Variants in SLC2A13 observed in about 807,000 individuals in gnomAD.
SLC2A13 encodes the protein proton myo-inositol cotransporter.
In SLC2A13, 32 loss-of-function variants were observed where a neutral mutation model predicts 64.4. That is an observed-to-expected ratio of 0.50 (90% CI 0.37 to 0.67). The LOEUF (loss-of-function observed/expected upper bound fraction) is 0.67, where lower values mean the gene tolerates loss of function less well. Ranked by LOEUF, SLC2A13 falls within the 30% of genes least tolerant of loss-of-function variation. SLC2A13 has a pLI of 0.00. For missense variants in SLC2A13, 743 were observed against 829.2 expected (o/e 0.90, Z 1.28); for synonymous variants, 338 against 327.1 (o/e 1.03, Z -0.36).
At chr12:39,895,174 C>G (rs1481716978) in intron 4 of SLC2A13, among the ~76,000 whole-genome samples, 2 of 151,972 alleles carry the variant, frequency 1.3e-5, no homozygotes, top group African/African-American at 2.4e-5. Context: ...CAGCCAGAAC[C>G]CTGAGTAACA....
chr12:40,046,429 G>A (rs1429402410), intron 2 of SLC2A13, among the ~76,000 whole-genome samples: 1 of 152,054 alleles, frequency 6.6e-6, no homozygotes, highest in Non-Finnish European at 1.5e-5. Flanking sequence ...TGTGATTTAT[G>A]CAACTATACA....
At chr12:39,960,911 C>G (rs1217938499) in intron 3 of SLC2A13, among the ~76,000 whole-genome samples, 1 of 150,302 alleles carries the variant, frequency 6.7e-6, no homozygotes, top group East Asian at 2.0e-4. Context: ...CCACAGCTGG[C>G]AAAATTTTGT....
At chr12:39,977,073 G>A (rs1052732243) in intron 3 of SLC2A13, among the ~76,000 whole-genome samples, 3 of 152,104 alleles carry the variant, frequency 2.0e-5, no homozygotes, top group African/African-American at 7.2e-5. Context: ...TGACATCTAT[G>A]GTAACAGATA....
At chr12:39,997,920 T>C (rs541677959) in intron 3 of SLC2A13, among the ~76,000 whole-genome samples, 3 of 152,310 alleles carry the variant, frequency 2.0e-5, no homozygotes, top group East Asian at 3.9e-4. Context: ...CCACTGCTGG[T>C]CGGAATGTAA....
chr12:39,776,586 G>A (rs1395042283), intron 7 of SLC2A13, among the ~76,000 whole-genome samples: 1 of 152,210 alleles, frequency 6.6e-6, no homozygotes, highest in Admixed American at 6.5e-5. Context: ...AGGCCATACT[G>A]CAATAGAAGC....
intron 1 of SLC2A13, among the ~76,000 whole-genome samples, chr12:40,075,726 A>T (rs1003641365): frequency 6.6e-6 from 1 of 152,170 alleles, no homozygotes; most frequent in Non-Finnish European, 1.5e-5. Context: ...CATTATGCTG[A>T]CACAAATGTT....
intron 4 of SLC2A13, among the ~76,000 whole-genome samples, chr12:39,888,899 CTA>C (rs917667461): frequency 2.6e-5 from 4 of 152,084 alleles, no homozygotes; most frequent in African/African-American, 9.7e-5. Context: ...ATAAAAATAA[CTA>C]AAATTATTTC....
chr12:39,826,625 A>T (rs1942683618), intron 7 of SLC2A13, among the ~76,000 whole-genome samples: 1 of 151,432 alleles, frequency 6.6e-6, no homozygotes, highest in African/African-American at 2.4e-5. Context: ...AAGCAGAAAA[A>T]TTTTAAAAAC....
At chr12:40,101,685 C>G (rs1352221426) in intron 1 of SLC2A13, among the ~76,000 whole-genome samples, 1 of 152,134 alleles carries the variant, frequency 6.6e-6, no homozygotes. Context: ...CCAAAACATT[C>G]CAGTCTCATG....
chr12:39,861,903 G>A (rs1051622975), intron 6 of SLC2A13, among the ~76,000 whole-genome samples: 6 of 152,054 alleles, frequency 3.9e-5, no homozygotes, highest in African/African-American at 1.4e-4. Flanking sequence ...CAGGATACAT[G>A]TGCAGGACGT....
At chr12:39,834,974 C>A (rs1259055930) in intron 6 of SLC2A13, among the ~76,000 whole-genome samples, 1 of 152,068 alleles carries the variant, frequency 6.6e-6, no homozygotes, top group Non-Finnish European at 1.5e-5. Context: ...CTAGGAATGG[C>A]TATTACATTT....
chr12:39,894,046 G>A (rs1487086346), intron 4 of SLC2A13, among the ~76,000 whole-genome samples: 1 of 152,170 alleles, frequency 6.6e-6, no homozygotes, highest in Non-Finnish European at 1.5e-5. Flanking sequence ...TTGATAGGCA[G>A]TTAGTACATT....
intron 7 of SLC2A13, among the ~76,000 whole-genome samples, chr12:39,797,584 C>T (rs930919624): frequency 7.2e-5 from 11 of 151,978 alleles, no homozygotes; most frequent in African/African-American, 2.7e-4. Flanking sequence ...CAACTTCGTC[C>T]CTTTTGTTGT....
intron 2 of SLC2A13, among the ~76,000 whole-genome samples, chr12:40,037,998 T>C (rs1329655949): frequency 1.3e-5 from 2 of 152,226 alleles, no homozygotes; most frequent in Non-Finnish European, 1.5e-5. Context: ...ACTGTTAACA[T>C]TGACCTCTGC....
intron 3 of SLC2A13, among the ~76,000 whole-genome samples, chr12:40,012,873 A>G (rs1776862776): frequency 6.6e-6 from 1 of 152,194 alleles, no homozygotes; most frequent in African/African-American, 2.4e-5. Context: ...GCACTCAGAG[A>G]TAGCAGGCCT....
Position 39,951,271 on chromosome 12 carries a change from G to C in SLC2A13, c.1020C>G (p.Gly340=). 1.2e-6 allele frequency: 2 copies of C among 1,613,268 alleles called. No homozygotes were observed. The highest frequency in any genetic ancestry group is 1.7e-6 in the Non-Finnish European group (2 of 1,179,564). Residue 340 remains glycine (G), a synonymous_variant, in exon 4 of 10, where the codon GGC becomes GGG. Coordinates refer to ENST00000280871, the MANE Select transcript of SLC2A13 (RefSeq NM_052885.4). ...CGLQMFQQLS[G]INTIMYYSAT... ...GAAATACATACATGATGGTGTTAAT[G>C]CCTGAGAGCTGCTGGAACATTTGTA...
chr12:39,909,997 T>A (rs887594498), intron 4 of SLC2A13, among the ~76,000 whole-genome samples: 1 of 152,016 alleles, frequency 6.6e-6, no homozygotes, highest in African/African-American at 2.4e-5. Context: ...ATATCTTTTT[T>A]AAAAAAGTAC....
chr12:39,898,255 G>T (rs1275953168), intron 4 of SLC2A13, among the ~76,000 whole-genome samples: 1 of 152,066 alleles, frequency 6.6e-6, no homozygotes, highest in Non-Finnish European at 1.5e-5. Context: ...GCACAGAAAA[G>T]AACCAATGAA....
Position 40,105,940 on chromosome 12 carries a change from T to TGCCACGGCAGCAGCCGCC in SLC2A13, c.-150_-133dup, listed in dbSNP as rs920325022. 2.6e-6 allele frequency: 3 copies of TGCCACGGCAGCAGCCGCC among 1,143,112 alleles called. No individual in the cohort carries two copies. Among genetic ancestry groups the TGCCACGGCAGCAGCCGCC allele is most frequent in the Non-Finnish European group, 3.4e-6 (3 of 892,790 alleles). The allele number at this position is 1,143,112 out of a possible 1,614,324, so 70.8% of individuals were successfully genotyped here. On this transcript the variant is annotated 5_prime_UTR_variant, in exon 1 of 10. Coordinates refer to ENST00000280871, the MANE Select transcript of SLC2A13 (RefSeq NM_052885.4). The surrounding 1 kb of genome is among the most constrained non-coding windows in gnomAD (Gnocchi z 4.2). ...TCTTCCTCCCGGCTTCCGCTCCGGCTGCCACGGCAGCAGCCGCCGCCACGG... is the reference window on the plus strand; with the variant it reads ...TCTTCCTCCCGGCTTCCGCTCCGGCTGCCACGGCAGCAGCCGCCGCCACGGCAGCAGCCGCCGCCACGG...
Sources: gnomAD v4.1 joint callset for allele counts (sites outside exome capture counted in the v4.1 genomes callset) on GRCh38, gnomAD v4.1.1 for gene constraint, Gnocchi (gnomAD v3.1) non-coding constraint, MANE v1.5 for transcripts, NCBI Gene and HGNC (gene_info 2026-07-23, HGNC 2026-07-21) for gene names.